The following RFTN1 variants were observed in gnomAD, a reference collection of about 807,000 sequenced individuals.
The protein encoded by RFTN1 is raftlin.
RFTN1 carries 26 observed loss-of-function variants against 46.5 expected under a neutral mutation model. The observed-to-expected ratio is 0.56, with a 90% CI of 0.41 to 0.78. The LOEUF (loss-of-function observed/expected upper bound fraction) is 0.78, where lower values mean the gene tolerates loss of function less well. Among genes scored for constraint, RFTN1 ranks in the 30% least tolerant of loss-of-function variants. The pLI, the probability that RFTN1 is intolerant of heterozygous loss-of-function variation, is 0.00. For missense variants in RFTN1, 693 were observed against 718.7 expected (o/e 0.96, Z 0.41); for synonymous variants, 261 against 284.2 (o/e 0.92, Z 0.82).
chr3:16,331,773 T>G (rs2070338667), intron 7 of RFTN1, among the ~76,000 whole-genome samples: 1 of 152,202 alleles, frequency 6.6e-6, no homozygotes, highest in Non-Finnish European at 1.5e-5. Context: ...TTTTTTGGTT[T>G]CCTTCTCATT....
Position 16,420,572 on chromosome 3 carries a change from T to C in RFTN1, c.333-11089A>G, listed in dbSNP as rs561257542. On this transcript the variant is annotated intron_variant, in intron 3 of 9. Transcript: ENST00000334133. The stretch of plus-strand genomic sequence containing the variant: ...CCACATTAAACTTTGCTGATTGTTT[T>C]CTTCCTTCCCAAATCATCCCACCTA... 7.2e-5 allele frequency among the ~76,000 whole-genome samples: 11 copies of C among 152,348 alleles called. No individual in the cohort carries two copies. The East Asian group carries it at 1.7e-3, about 24-fold the overall frequency.
intron 2 of RFTN1, among the ~76,000 whole-genome samples, chr3:16,445,661 A>G (rs1265294393): frequency 1.3e-5 from 2 of 152,142 alleles, no homozygotes; most frequent in African/African-American, 4.8e-5. Flanking sequence ...AGAATGTAAA[A>G]TATCTAAGTA....
intron 2 of RFTN1, among the ~76,000 whole-genome samples, chr3:16,438,938 G>A (rs995428746): frequency 2.8e-4 from 43 of 152,024 alleles, no homozygotes; most frequent in Non-Finnish European, 1.9e-4. Context: ...CACTAAAAAT[G>A]TTAGTCAATC....
rs1559830284 is a variant in RFTN1 at position 16,336,674 on chromosome 3, T to TA, written c.1147-9799_1147-9798insT. ...GTTCAAAGAGAATAATTTTTTTTTT[T>TA]TAAAAAAGCTTAGTTCTTAGATGCA... On this transcript the variant is annotated intron_variant, in intron 7 of 9. Transcript: ENST00000334133. This position sits in a 1 kb window ranked among gnomAD's most constrained non-coding sequence, Gnocchi z 6.0. Among the ~76,000 whole-genome samples, 21 of 152,156 alleles carry TA rather than the reference T, an allele frequency of 1.4e-4. No homozygotes were observed. The highest frequency in any genetic ancestry group is 3.1e-4 in the African/African-American group (13 of 41,508).
chr3:16,430,951 T>TCAG (rs1559343265), intron 3 of RFTN1, among the ~76,000 whole-genome samples: 1 of 152,236 alleles, frequency 6.6e-6, no homozygotes, highest in Non-Finnish European at 1.5e-5. Context: ...AGCCCCCAGC[T>TCAG]TCACTGCTGG....
In RFTN1 at chr3:16,403,853, T is replaced by A. The variant is rs1483956368; in HGVS notation, c.441+5522A>T. Among the ~76,000 whole-genome samples, 2 of 3,946 alleles carry A rather than the reference T, an allele frequency of 5.1e-4. 1 individual carries two copies. Among genetic ancestry groups the A allele is most frequent in the Admixed American group, 0.012 (2 of 164 alleles). The allele number at this position is 3,946 out of a possible 152,430, so 2.6% of individuals were successfully genotyped here. A position where few individuals can be genotyped will look rare whatever the true frequency, so the allele number is the denominator to read the frequency against. ...TATATAAATATAATATAATATATATTTTATATATATTATATTATATTTATA... is the reference window on the plus strand; with the variant it reads ...TATATAAATATAATATAATATATATATTATATATATTATATTATATTTATA... On this transcript the variant is annotated intron_variant, in intron 4 of 9. Coordinates refer to ENST00000334133, the MANE Select transcript of RFTN1 (RefSeq NM_015150.2).
At chr3:16,397,650 C>T (rs891051242) in intron 4 of RFTN1, among the ~76,000 whole-genome samples, 1 of 151,770 alleles carries the variant, frequency 6.6e-6, no homozygotes, top group Non-Finnish European at 1.5e-5. Context: ...CTGACCACAC[C>T]CCCGCCCACC....
In RFTN1 at chr3:16,427,699, T is replaced by C. The variant is rs1193429280; in HGVS notation, c.332+6152A>G. 1.3e-5 allele frequency among the ~76,000 whole-genome samples: 2 copies of C among 152,248 alleles called. No homozygotes were observed. The highest frequency in any genetic ancestry group is 2.9e-5 in the Non-Finnish European group (2 of 68,036). On this transcript the variant is annotated intron_variant, in intron 3 of 9. Coordinates refer to ENST00000334133, the MANE Select transcript of RFTN1 (RefSeq NM_015150.2). The surrounding 1 kb of genome is among the most constrained non-coding windows in gnomAD (Gnocchi z 5.4). ...TCTAGAACAAGGACTGCAGTAGCCT[T>C]GGCTAAGTCAGCAGCTAGAGAAGTG...
intron 7 of RFTN1, 43 bp downstream of exon 7, chr3:16,357,889 G>T: frequency 8.3e-7 from 1 of 1,205,702 alleles, no homozygotes; most frequent in Non-Finnish European, 1.2e-6. Context: ...TAAAACAAGT[G>T]CTGTCTAAAC....
intron 4 of RFTN1, among the ~76,000 whole-genome samples, chr3:16,395,577 C>G (rs554428393): frequency 1.9e-3 from 292 of 152,204 alleles, no homozygotes; most frequent in Non-Finnish European, 3.4e-3. Context: ...TCCTGAGTGG[C>G]TGGGATTACA....
chr3:16,453,873 A>C (rs987746976), intron 2 of RFTN1, among the ~76,000 whole-genome samples: 1 of 152,264 alleles, frequency 6.6e-6, no homozygotes, highest in African/African-American at 2.4e-5. Context: ...AAAGACATTT[A>C]TAAAGAGAGA....
chr3:16,433,765 C>T lies in RFTN1; in HGVS notation c.332+86G>A. On this transcript the variant is annotated intron_variant, in intron 3 of 9. Transcript: ENST00000334133. This position sits in a 1 kb window ranked among gnomAD's most constrained non-coding sequence, Gnocchi z 4.4. Reference sequence around the variant, plus strand: ...GAGGACAGCATGCAAATTTCAACCCCCAACCCCATCCTCTCACTTCCCCTC... The same window carrying T: ...GAGGACAGCATGCAAATTTCAACCCTCAACCCCATCCTCTCACTTCCCCTC... 6.9e-7 allele frequency: 1 copy of T among 1,439,164 alleles called. No individual in the cohort carries two copies. Among genetic ancestry groups the T allele is most frequent in the Non-Finnish European group, 9.8e-7 (1 of 1,024,356 alleles). 89.1% of individuals were successfully genotyped at this position (1,439,164 alleles called of 1,614,324 possible). A position where few individuals can be genotyped will look rare whatever the true frequency, so the allele number is the denominator to read the frequency against.
chr3:16,444,558 G>A (rs561281892), intron 2 of RFTN1, among the ~76,000 whole-genome samples: 5 of 152,314 alleles, frequency 3.3e-5, no homozygotes, highest in South Asian at 2.1e-4. Flanking sequence ...TAGGGCTGGC[G>A]CCTGCCTTGC....
At chr3:16,397,394 C>G (rs1482429289) in intron 4 of RFTN1, among the ~76,000 whole-genome samples, 1 of 152,070 alleles carries the variant, frequency 6.6e-6, no homozygotes, top group Non-Finnish European at 1.5e-5. Context: ...TGAAGATATG[C>G]AGGATGAATA....
intron 2 of RFTN1, among the ~76,000 whole-genome samples, chr3:16,461,346 C>T (rs2076005684): frequency 6.6e-6 from 1 of 152,152 alleles, no homozygotes; most frequent in Admixed American, 6.5e-5. Context: ...CTTTAAAACT[C>T]TTCCGTGAAT....
At chr3:16,510,578 C>A (rs978048229) in intron 1 of RFTN1, among the ~76,000 whole-genome samples, 10 of 152,196 alleles carry the variant, frequency 6.6e-5, no homozygotes, top group African/African-American at 2.2e-4. Flanking sequence ...TTCCCTCTGG[C>A]CCCAGAAGAA....
At chr3:16,420,130 G>A (rs914340549) in intron 3 of RFTN1, among the ~76,000 whole-genome samples, 7 of 152,134 alleles carry the variant, frequency 4.6e-5, no homozygotes, top group Non-Finnish European at 1.0e-4. Flanking sequence ...ACTGTTAACC[G>A]TAAAGACCAA....
In RFTN1 at chr3:16,421,601, C is replaced by T. The variant is rs573827185; in HGVS notation, c.333-12118G>A. On this transcript the variant is annotated intron_variant, in intron 3 of 9. Transcript: ENST00000334133. The surrounding 1 kb of genome is among the most constrained non-coding windows in gnomAD (Gnocchi z 4.6). ...CCTTGACTTCGTGATCCGCCCGCCT[C>T]GGCCTCCCAAAGTGCTGGGATTACA... Among the ~76,000 whole-genome samples, 5 of 152,130 alleles carry T rather than the reference C, an allele frequency of 3.3e-5. No homozygotes were observed. Among genetic ancestry groups the T allele is most frequent in the Admixed American group, 6.5e-5 (1 of 15,272 alleles).
rs904820916 is a variant in RFTN1 at position 16,329,887 on chromosome 3, C to T, written c.1147-3011G>A. On this transcript the variant is annotated intron_variant, in intron 7 of 9. Coordinates refer to ENST00000334133, the MANE Select transcript of RFTN1 (RefSeq NM_015150.2). This position sits in a 1 kb window ranked among gnomAD's most constrained non-coding sequence, Gnocchi z 4.5. ...AGTCCTTTTATTGGTGGCTGCATCT[C>T]GGGCCAGGTTTTCTCTGCGGGCACC... Among the ~76,000 whole-genome samples the T allele has an allele frequency of 2.6e-5, 4 of 152,228 alleles. No individual in the cohort carries two copies. Among genetic ancestry groups the T allele is most frequent in the African/African-American group, 4.8e-5 (2 of 41,538 alleles).
Sources: gnomAD v4.1 joint callset for allele counts (sites outside exome capture counted in the v4.1 genomes callset) on GRCh38, gnomAD v4.1.1 for gene constraint, Gnocchi (gnomAD v3.1) non-coding constraint, MANE v1.5 for transcripts, NCBI Gene and HGNC (gene_info 2026-07-23, HGNC 2026-07-21) for gene names.